Variants in ANXA8 observed in about 807,000 individuals in gnomAD.
The protein encoded by ANXA8 is annexin A8.
Under a neutral mutation model 26.8 loss-of-function variants are expected in ANXA8, and 9 were observed. The observed-to-expected ratio is 0.34, with a 90% confidence interval of 0.20 to 0.59. The LOEUF is 0.59. ANXA8 is among the 20% of genes least tolerant of loss of function. The pLI is 0.84. For missense variants in ANXA8, 83 were observed against 238.5 expected (o/e 0.35, Z 4.29); for synonymous variants, 39 against 94.8 (o/e 0.41, Z 3.42).
chr10:47,637,439 C>T, the ANXA8 span, among the ~76,000 whole-genome samples: 1 of 149,926 alleles, frequency 6.7e-6, no homozygotes, highest in African/African-American at 2.5e-5. Flanking sequence ...CTGTAACATC[C>T]TTTGTATCTC....
the ANXA8 span, among the ~76,000 whole-genome samples, chr10:47,623,764 C>T: frequency 9.0e-6 from 1 of 110,720 alleles, no homozygotes. Flanking sequence ...TCTTCATTAG[C>T]AGGTTGCATT....
the ANXA8 span, among the ~76,000 whole-genome samples, chr10:47,946,296 T>C: frequency 6.7e-6 from 1 of 149,798 alleles, no homozygotes; most frequent in Non-Finnish European, 1.5e-5. Flanking sequence ...CTAATATTTA[T>C]CTCAGTTTGT....
chr10:47,470,018 A>G (rs1266698947), intron 11 of ANXA8, among the ~76,000 whole-genome samples: 1 of 151,612 alleles, frequency 6.6e-6, no homozygotes, highest in Admixed American at 6.6e-5. Flanking sequence ...CACTGGGATT[A>G]CGGGTGTGGG....
At chr10:47,485,250 A>G (rs1840013531), upstream of ANXA8, among the ~76,000 whole-genome samples, 1 of 152,032 alleles carries the variant, frequency 6.6e-6, no homozygotes, top group African/African-American at 2.4e-5. Context: ...ATATGCTACA[A>G]TAGATCTGTG....
At chr10:47,957,080 T>C in the ANXA8 span, among the ~76,000 whole-genome samples, 1 of 150,334 alleles carries the variant, frequency 6.7e-6, no homozygotes, top group Non-Finnish European at 1.5e-5. Context: ...GATTCATTGA[T>C]TTTCCAGGCT....
intron 7 of ANXA8, 32 bp from the exon 8 acceptor site, chr10:47,474,430 A>T: frequency 1.5e-6 from 2 of 1,303,096 alleles, no homozygotes; most frequent in Non-Finnish European, 2.1e-6. Context: ...TAAGCCAGTG[A>T]GGGAGACCAG....
the ANXA8 span, among the ~76,000 whole-genome samples, chr10:47,583,640 A>T: frequency 7.3e-6 from 1 of 137,232 alleles, no homozygotes; most frequent in East Asian, 2.2e-4. Flanking sequence ...GTTCGGATCA[A>T]CTAAGTACCC....
the ANXA8 span, chr10:47,588,607 C>T: frequency 1.2e-3 from 171 of 144,958 alleles, 12 homozygotes; most frequent in African/African-American, 4.3e-3. Flanking sequence ...TCAGTTTCAT[C>T]GCTCAGAAAA....
the ANXA8 span, among the ~76,000 whole-genome samples, chr10:47,691,716 G>A: frequency 6.7e-6 from 1 of 149,764 alleles, no homozygotes; most frequent in Admixed American, 6.6e-5. Flanking sequence ...CTTTGATTGG[G>A]CCACTGCACT....
At chr10:47,677,451 C>T in the ANXA8 span, among the ~76,000 whole-genome samples, 1 of 150,054 alleles carries the variant, frequency 6.7e-6, no homozygotes, top group Non-Finnish European at 1.5e-5. Context: ...ACAGGCAGCA[C>T]AGGATAGTGA....
chr10:47,621,282 T>C, the ANXA8 span, among the ~76,000 whole-genome samples: 4 of 109,514 alleles, frequency 3.7e-5, no homozygotes, highest in Non-Finnish European at 7.9e-5. Flanking sequence ...TGGATGTTGG[T>C]AGAGACCCAT....
the ANXA8 span, among the ~76,000 whole-genome samples, chr10:47,649,478 G>A: frequency 6.6e-6 from 1 of 150,978 alleles, no homozygotes; most frequent in Non-Finnish European, 1.5e-5. Context: ...GTGCCATCTT[G>A]GTTCACTGCA....
chr10:47,647,461 C>T, the ANXA8 span, among the ~76,000 whole-genome samples: 1 of 150,190 alleles, frequency 6.7e-6, no homozygotes, highest in African/African-American at 2.5e-5. Flanking sequence ...TATGAAGAAA[C>T]ATATTCCGAG....
chr10:47,604,954 G>C, the ANXA8 span, among the ~76,000 whole-genome samples: 1 of 151,134 alleles, frequency 6.6e-6, no homozygotes, highest in East Asian at 1.9e-4. Context: ...TTAGAAATGG[G>C]ATCCATTTTC....
the ANXA8 span, among the ~76,000 whole-genome samples, chr10:47,694,416 CCTTTT>C: frequency 7.6e-6 from 1 of 132,148 alleles, no homozygotes; most frequent in African/African-American, 3.1e-5. Flanking sequence ...CAGAAATCTT[CCTTTT>C]TTTTTTTTTT....
the ANXA8 span, among the ~76,000 whole-genome samples, chr10:47,733,214 TTTC>T: frequency 4.5e-5 from 4 of 89,136 alleles, no homozygotes; most frequent in Admixed American, 1.2e-4. Context: ...TCTTTCTTTC[TTTC>T]TTTCTCTTTC....
chr10:47,527,922 C>T, the ANXA8 span, among the ~76,000 whole-genome samples: 3 of 149,104 alleles, frequency 2.0e-5, no homozygotes, highest in African/African-American at 4.9e-5. Flanking sequence ...TGCAGAAGGG[C>T]CCCAAAAGGC....
the ANXA8 span, chr10:47,706,940 C>G: frequency 2.2e-6 from 1 of 448,174 alleles, no homozygotes; most frequent in South Asian, 3.3e-5. Flanking sequence ...GAGTTCACTT[C>G]CATTTTCAAA....
At chr10:47,553,978 T>TAGCC in the ANXA8 span, among the ~76,000 whole-genome samples, 2 of 148,900 alleles carry the variant, frequency 1.3e-5, no homozygotes, top group African/African-American at 4.9e-5. Flanking sequence ...GGGTGCCCTA[T>TAGCC]AGCCCTCTTT....
Sources: gnomAD v4.1 joint callset for allele counts (sites outside exome capture counted in the v4.1 genomes callset) on GRCh38, gnomAD v4.1.1 for gene constraint, MANE v1.5 for transcripts, NCBI Gene and HGNC (gene_info 2026-07-23, HGNC 2026-07-21) for gene names.